The following OCA2 variants were observed in gnomAD, a reference collection of about 807,000 sequenced individuals.
The protein encoded by OCA2 is OCA2 melanosomal transmembrane protein, also known as P protein.
In OCA2, 77 loss-of-function variants were observed where a neutral mutation model predicts 100.2. The observed-to-expected ratio is 0.77, with a 90% CI of 0.64 to 0.93. OCA2 has a LOEUF of 0.93. OCA2 is among the 40% of genes least tolerant of loss of function. The probability of loss-of-function intolerance (pLI) is 0.00; values close to 1 mark genes in which losing one functional copy is unlikely to be tolerated. For synonymous variants in OCA2, 432 were observed against 439.2 expected, an observed-to-expected ratio of 0.98 and a Z score of 0.21; for missense variants, 1,062 against 1,089.1, an observed-to-expected ratio of 0.98 and a Z score of 0.35.
At position 28,092,043 on chromosome 15, in the gene OCA2, AAATG is replaced by A. The variant is rs559241854; in HGVS notation, c.-22+7177_-22+7180del. 1.9e-3 allele frequency among the ~76,000 whole-genome samples: 294 copies of A among 152,342 alleles called. 2 individuals are homozygous for A. The highest frequency in any genetic ancestry group is 6.7e-3 in the African/African-American group (278 of 41,574). ...CACACAGTGGATTATTTGACAATAA[AAATG>A]AATGGTGTCTGACACATGCTAAAAC... On this transcript the variant is annotated intron_variant, in intron 1 of 23. Transcript: ENST00000354638.
the OCA2 span, among the ~76,000 whole-genome samples, chr15:27,739,501 A>G: frequency 7.5e-6 from 1 of 134,226 alleles, no homozygotes. Context: ...GCTGGAGTGC[A>G]GTGGCATGAT....
At chr15:27,944,074 G>T (rs2039749303) in intron 18 of OCA2, among the ~76,000 whole-genome samples, 1 of 152,234 alleles carries the variant, frequency 6.6e-6, no homozygotes, top group East Asian at 1.9e-4. Context: ...TCGACACCTT[G>T]ACTATGGAAA....
At chr15:27,843,259 C>T (rs72710539) in intron 23 of OCA2, among the ~76,000 whole-genome samples, 6,421 of 152,098 alleles carry the variant, frequency 0.042, 159 homozygotes, top group South Asian at 0.061. Flanking sequence ...GTTAGGAGCC[C>T]GGCCCAAATG....
At chr15:27,722,802 T>TCTCTCTCTC in the OCA2 span, among the ~76,000 whole-genome samples, 2 of 39,500 alleles carry the variant, frequency 5.1e-5, no homozygotes, top group Non-Finnish European at 1.2e-4. Context: ...CTCTCTCTCT[T>TCTCTCTCTC]TCTCTCTCTC....
At chr15:27,783,551 T>C (rs1352863506) in intron 23 of OCA2, among the ~76,000 whole-genome samples, 2 of 151,798 alleles carry the variant, frequency 1.3e-5, no homozygotes, top group African/African-American at 4.8e-5. Flanking sequence ...CAAGGAAAAA[T>C]GGGATGTGAG....
chr15:28,074,716 G>C (rs11857310), intron 2 of OCA2, among the ~76,000 whole-genome samples: 10,720 of 150,524 alleles, frequency 0.071, 1,257 homozygotes, highest in African/African-American at 0.25. Flanking sequence ...GTGCAGTGGT[G>C]GGCACCTATA....
intron 1 of OCA2, among the ~76,000 whole-genome samples, chr15:28,095,914 C>T (rs1477395916): frequency 6.6e-6 from 1 of 152,198 alleles, no homozygotes; most frequent in Non-Finnish European, 1.5e-5. Flanking sequence ...GCTCCCCTCC[C>T]CACAAAGCGC....
chr15:28,015,498 G>C (rs1407816282), intron 8 of OCA2, among the ~76,000 whole-genome samples: 3 of 152,172 alleles, frequency 2.0e-5, no homozygotes, highest in African/African-American at 7.2e-5. Context: ...TCTTTAACAA[G>C]GTGAAGAAGG....
the OCA2 span, among the ~76,000 whole-genome samples, chr15:27,731,166 T>A: frequency 2.6e-5 from 4 of 152,188 alleles, no homozygotes. Context: ...ATATTCACTT[T>A]CATTCAATTT....
In OCA2 at chr15:27,772,659, G is replaced by A. The variant is rs543744000; in HGVS notation, c.2433-17187C>T. ...AGATCAAGACCATCCTGGCTAACACGGTGAAACCCCATCTCTACTAAAAAT... is the reference window on the plus strand; with the variant it reads ...AGATCAAGACCATCCTGGCTAACACAGTGAAACCCCATCTCTACTAAAAAT... On this transcript the variant is annotated intron_variant, in intron 23 of 23. Coordinates refer to ENST00000354638, the MANE Select transcript of OCA2 (RefSeq NM_000275.3). Among the ~76,000 whole-genome samples, 139 of 152,122 alleles carry A rather than the reference G, an allele frequency of 9.1e-4. 1 individual carries two copies. The highest frequency in any genetic ancestry group is 2.3e-3 in the South Asian group (11 of 4,806).
rs72710514 is a variant in OCA2 at position 27,816,400 on chromosome 15, G to A, written c.2432+28559C>T. On this transcript the variant is annotated intron_variant, in intron 23 of 23. Transcript: ENST00000354638. Reference sequence around the variant, plus strand: ...AAATGTTATATCACTACAATTACAAGTTGTGTTTTCAGATACCTGCTCTTC... The same window carrying A: ...AAATGTTATATCACTACAATTACAAATTGTGTTTTCAGATACCTGCTCTTC... Among the ~76,000 whole-genome samples, 710 of 152,288 alleles carry A rather than the reference G, an allele frequency of 4.7e-3. 4 individuals carry two copies. The highest frequency in any genetic ancestry group is 7.9e-3 in the Non-Finnish European group (538 of 68,022).
chr15:27,734,087 C>A, the OCA2 span, among the ~76,000 whole-genome samples: 1 of 149,532 alleles, frequency 6.7e-6, no homozygotes, highest in East Asian at 2.0e-4. Flanking sequence ...TTGAGCCTGG[C>A]AGGCAGAGGT....
rs567962312 is a variant in OCA2 at position 27,756,251 on chromosome 15, C to T, written c.2433-779G>A. 1.1e-3 allele frequency among the ~76,000 whole-genome samples: 164 copies of T among 152,328 alleles called. 1 individual carries two copies. The highest frequency in any genetic ancestry group is 3.8e-3 in the Admixed American group (58 of 15,306). On this transcript the variant is annotated intron_variant, in intron 23 of 23. Transcript: ENST00000354638. ...TGGTTTCAAAAGGCTTAAGTTTTAG[C>T]AGTAAGAGCCTAGCATGTGGCAATT...
At chr15:27,749,146 A>G in the OCA2 span, among the ~76,000 whole-genome samples, 133 of 152,324 alleles carry the variant, frequency 8.7e-4, no homozygotes, top group Non-Finnish European at 1.1e-3. Flanking sequence ...AAACTCAAAG[A>G]AATCCATACT....
chr15:28,014,960 A>T lies in OCA2; in HGVS notation c.891-31T>A, dbSNP rs773681322. 1.9e-6 allele frequency: 3 copies of T among 1,612,626 alleles called. No individual in the cohort carries two copies. The East Asian group carries it at 6.7e-5, about 36-fold the overall frequency. On this transcript the variant is annotated intron_variant, in intron 8 of 23. Transcript: ENST00000354638. ...GAACGAAACAACGACCTTACTGTTC[A>T]CAAGGTCAACAGTTAGGGGACCTCC... is the stretch of plus-strand genomic sequence containing the variant.
intron 2 of OCA2, among the ~76,000 whole-genome samples, chr15:28,042,472 CAAA>C (rs972724008): frequency 5.1e-5 from 5 of 97,276 alleles, no homozygotes; most frequent in Non-Finnish European, 1.1e-4. Flanking sequence ...ACTAAAAATA[CAAA>C]AAAAAAAAAA....
intron 19 of OCA2, among the ~76,000 whole-genome samples, chr15:27,904,261 A>G (rs1395072061): frequency 6.6e-6 from 1 of 152,152 alleles, no homozygotes; most frequent in African/African-American, 2.4e-5. Flanking sequence ...AGCAGGGCCC[A>G]CTGCAGCAGA....
At chr15:27,740,407 G>A in the OCA2 span, among the ~76,000 whole-genome samples, 1 of 152,070 alleles carries the variant, frequency 6.6e-6, no homozygotes, top group Non-Finnish European at 1.5e-5. Context: ...CTGCAGCCCT[G>A]ACCATCGCCC....
Position 28,022,507 on chromosome 15 carries a change from T to C in OCA2, c.640A>G (p.Asn214Asp). ...WQLLALSPLE[N>D]YSVNLSSHVD... ...CAGAGTGGATTTTGGATACAGTAGT[T>C]CTCCAGCGGTGATAAGGCCAACAGC... is the stretch of plus-strand genomic sequence containing the variant. Residue 214 changes from asparagine (N) to aspartate (D), a missense_variant, in exon 6 of 24, where the codon AAC (asparagine) becomes GAC (aspartate). Asn to Asp is a conservative substitution (Grantham distance 23). Transcript: ENST00000354638. The C allele has an allele frequency of 6.2e-7, 1 of 1,612,552 alleles. No homozygotes were observed. The highest frequency in any genetic ancestry group is 8.5e-7 in the Non-Finnish European group (1 of 1,178,566).
Sources: allele counts gnomAD v4.1 joint callset (sites outside exome capture counted in the v4.1 genomes callset), GRCh38; gene constraint gnomAD v4.1.1; transcripts MANE v1.5; gene names NCBI Gene and HGNC (gene_info 2026-07-23, HGNC 2026-07-21).